Variants in HECW2 observed in about 807,000 individuals in gnomAD.
HECW2 encodes E3 ubiquitin-protein ligase HECW2.
A neutral mutation model predicts 175.2 loss-of-function variants in HECW2; 61 were observed. The ratio of observed to expected loss-of-function variants is 0.35; its 90% CI spans 0.28 to 0.43. The LOEUF is 0.43. Among genes scored for constraint, HECW2 ranks in the 20% least tolerant of loss-of-function variants. HECW2 has a pLI of 1.00. For synonymous variants in HECW2, 671 were observed against 731.0 expected (o/e 0.92, Z 1.32); for missense variants, 1,524 against 2,000.5 (o/e 0.76, Z 4.54).
chr2:196,315,618 C>T (rs1294269002), intron 10 of HECW2, among the ~76,000 whole-genome samples: 1 of 152,146 alleles, frequency 6.6e-6, no homozygotes, highest in Admixed American at 6.5e-5. Context: ...TTTGCAAATA[C>T]ATCAACTCAT....
intron 1 of HECW2, among the ~76,000 whole-genome samples, chr2:196,564,432 A>G (rs1211697681): frequency 6.6e-6 from 1 of 152,224 alleles, no homozygotes; most frequent in Non-Finnish European, 1.5e-5. Context: ...CAATAATATT[A>G]GGGATGGTAG....
intron 6 of HECW2, 55 bp from the exon 7 acceptor site, chr2:196,322,675 A>G: frequency 2.1e-6 from 3 of 1,462,158 alleles, no homozygotes; most frequent in East Asian, 2.3e-5. Flanking sequence ...ATATGATACT[A>G]TATCATTTTA....
chr2:196,231,735 T>C (rs1688063822), intron 21 of HECW2, among the ~76,000 whole-genome samples: 1 of 151,716 alleles, frequency 6.6e-6, no homozygotes, highest in Admixed American at 6.6e-5. Context: ...ACGCCTGTAA[T>C]CCCATCACTT....
chr2:196,480,508 G>A (rs1386176529), intron 1 of HECW2, among the ~76,000 whole-genome samples: 1 of 152,154 alleles, frequency 6.6e-6, no homozygotes, highest in Non-Finnish European at 1.5e-5. Flanking sequence ...CCATCCCCCA[G>A]CCACAGTGAT....
chr2:196,500,630 C>T lies in HECW2; in HGVS notation c.-35-67172G>A, dbSNP rs62184697. 3.4e-3 allele frequency among the ~76,000 whole-genome samples: 518 copies of T among 152,304 alleles called. 1 individual carries two copies. The highest frequency in any genetic ancestry group is 6.6e-3 in the Non-Finnish European group (448 of 68,026). ...CATTTTTAAACTAGCTCAATTAACA[C>T]CACTTTACCATTTAATTCCTTACGT... is the stretch of plus-strand genomic sequence containing the variant. On this transcript the variant is annotated intron_variant, in intron 1 of 28. Coordinates refer to ENST00000644978, the MANE Select transcript of HECW2 (RefSeq NM_001348768.2).
intron 2 of HECW2, among the ~76,000 whole-genome samples, chr2:196,391,124 G>T (rs970213963): frequency 6.6e-6 from 1 of 152,124 alleles, no homozygotes; most frequent in African/African-American, 2.4e-5. Context: ...AGGAGAGTAA[G>T]ACTGGAATAT....
At chr2:196,284,831 G>C (rs143960726) in intron 14 of HECW2, among the ~76,000 whole-genome samples, 133 of 146,896 alleles carry the variant, frequency 9.1e-4, no homozygotes, top group African/African-American at 3.1e-3. Flanking sequence ...GTCTAGAGTA[G>C]AGTATGTCGA....
At chr2:196,418,323 T>C (rs1176421511) in intron 2 of HECW2, among the ~76,000 whole-genome samples, 2 of 152,080 alleles carry the variant, frequency 1.3e-5, no homozygotes, top group Non-Finnish European at 2.9e-5. Context: ...AGAGACGGGG[T>C]TTCACTGTGT....
Position 196,478,088 on chromosome 2 carries a change from C to G in HECW2, c.-35-44630G>C, listed in dbSNP as rs1575592393. 2.0e-5 allele frequency among the ~76,000 whole-genome samples: 3 copies of G among 151,878 alleles called. No homozygotes were observed. The South Asian group carries it at 6.3e-4, about 32-fold the overall frequency. ...AAACATCCAAAAAACAAAACAAAAACAAACAAAAAAAAACTCACAGAGTAC... is the reference window on the plus strand; with the variant it reads ...AAACATCCAAAAAACAAAACAAAAAGAAACAAAAAAAAACTCACAGAGTAC... On this transcript the variant is annotated intron_variant, in intron 1 of 28. Transcript: ENST00000644978.
intron 2 of HECW2, among the ~76,000 whole-genome samples, chr2:196,361,511 A>G (rs1409962987): frequency 6.6e-6 from 1 of 152,202 alleles, no homozygotes; most frequent in African/African-American, 2.4e-5. Flanking sequence ...TGTAGGTAGA[A>G]CCTGTACTTA....
intron 21 of HECW2, among the ~76,000 whole-genome samples, chr2:196,229,486 G>C (rs1165712499): frequency 6.6e-6 from 1 of 152,110 alleles, no homozygotes; most frequent in Non-Finnish European, 1.5e-5. Context: ...GAGTTTGAGA[G>C]AGTGACACAG....
intron 2 of HECW2, among the ~76,000 whole-genome samples, chr2:196,404,902 G>A (rs1694922634): frequency 7.8e-6 from 1 of 128,154 alleles, no homozygotes; most frequent in Non-Finnish European, 1.5e-5. Context: ...TCGGCTCGCT[G>A]CAAGCTCTGC....
chr2:196,580,695 A>G (rs1385717104), intron 1 of HECW2, among the ~76,000 whole-genome samples: 1 of 151,348 alleles, frequency 6.6e-6, no homozygotes, highest in Non-Finnish European at 1.5e-5. Flanking sequence ...GAGAAACTGG[A>G]GCTCTCATAC....
At chr2:196,333,597 T>C (rs1692447264) in intron 4 of HECW2, among the ~76,000 whole-genome samples, 1 of 152,234 alleles carries the variant, frequency 6.6e-6, no homozygotes, top group Non-Finnish European at 1.5e-5. Flanking sequence ...ACCTCATTTT[T>C]AGTAATGACT....
intron 1 of HECW2, among the ~76,000 whole-genome samples, chr2:196,550,310 T>C (rs1689566992): frequency 6.6e-6 from 1 of 152,174 alleles, no homozygotes; most frequent in Non-Finnish European, 1.5e-5. Flanking sequence ...TTTCTGATTG[T>C]AATTTAAATA....
At chr2:196,528,188 A>G (rs1288524627) in intron 1 of HECW2, among the ~76,000 whole-genome samples, 2 of 152,312 alleles carry the variant, frequency 1.3e-5, no homozygotes, top group South Asian at 2.1e-4. Flanking sequence ...TTCTTCCCTC[A>G]ATAAACATGA....
intron 3 of HECW2, among the ~76,000 whole-genome samples, chr2:196,342,069 A>C (rs1402632551): frequency 6.6e-6 from 1 of 152,182 alleles, no homozygotes; most frequent in Non-Finnish European, 1.5e-5. Context: ...TCAGAGCTCA[A>C]CAACTCAGAA....
At chr2:196,458,199 G>A (rs928442473) in intron 1 of HECW2, among the ~76,000 whole-genome samples, 1 of 152,136 alleles carries the variant, frequency 6.6e-6, no homozygotes, top group Non-Finnish European at 1.5e-5. Context: ...GAGCCCAGGA[G>A]GTCAAGGCTG....
At position 196,307,039 on chromosome 2, in the gene HECW2, C is replaced by G. The variant is rs1347171562; in HGVS notation, c.2689+91G>C. 7.0e-6 allele frequency: 6 copies of G among 856,710 alleles called. No individual in the cohort carries two copies. In the African/African-American group the frequency reaches 1.0e-4, roughly 15 times the overall value. The allele number at this position is 856,710 out of a possible 1,614,324, so 53.1% of individuals were successfully genotyped here. Reference sequence around the variant, plus strand: ...CAGATCTTATTGAAGAGCAAAAGTTCTCCAAAAGAAAAGCCTTACTTGTTG... The same window carrying G: ...CAGATCTTATTGAAGAGCAAAAGTTGTCCAAAAGAAAAGCCTTACTTGTTG... On this transcript the variant is annotated intron_variant, in intron 12 of 28. Coordinates refer to ENST00000644978, the MANE Select transcript of HECW2 (RefSeq NM_001348768.2).
Sources: allele counts gnomAD v4.1 joint callset (sites outside exome capture counted in the v4.1 genomes callset), GRCh38; gene constraint gnomAD v4.1.1; transcripts MANE v1.5; gene names NCBI Gene and HGNC (gene_info 2026-07-23, HGNC 2026-07-21).